Variants in STXBP4 observed in about 807,000 individuals in gnomAD.
STXBP4 encodes syntaxin binding protein 4, also known as syntaxin-binding protein 4.
STXBP4 carries 55 observed loss-of-function variants against 76.1 expected under a neutral mutation model. The ratio of observed to expected loss-of-function variants is 0.72; its 90% CI spans 0.58 to 0.91. The LOEUF (loss-of-function observed/expected upper bound fraction) is 0.91. Among genes scored for constraint, STXBP4 ranks in the 40% least tolerant of loss-of-function variants. The pLI is 0.00. For synonymous variants in STXBP4, 201 were observed against 220.2 expected, an observed-to-expected ratio of 0.91 and a Z score of 0.77; for missense variants, 618 against 636.9, an observed-to-expected ratio of 0.97 and a Z score of 0.32.
intron 11 of STXBP4, among the ~76,000 whole-genome samples, chr17:55,045,530 C>T (rs1440742540): frequency 6.6e-6 from 1 of 151,966 alleles, no homozygotes; most frequent in East Asian, 1.9e-4. Context: ...TTAATATCAA[C>T]AGTAATTATT....
chr17:54,991,066 T>G (rs2077709593), intron 4 of STXBP4, 109 bp downstream of exon 4: 5 of 1,213,960 alleles, frequency 4.1e-6, no homozygotes, highest in Non-Finnish European at 5.4e-6. Context: ...TGACCATACC[T>G]CAGTGAAAAA....
the STXBP4 span, among the ~76,000 whole-genome samples, chr17:55,207,147 C>G: frequency 6.6e-6 from 1 of 152,164 alleles, no homozygotes; most frequent in Non-Finnish European, 1.5e-5. Flanking sequence ...TCCAGTGGAT[C>G]TCTACGCATG....
intron 8 of STXBP4, among the ~76,000 whole-genome samples, chr17:55,017,106 T>G (rs1448668530): frequency 6.6e-6 from 1 of 152,164 alleles, no homozygotes. Flanking sequence ...GACCTTCAAT[T>G]ATCAATTATA....
At chr17:55,001,519 CACA>C (rs1427430497) in intron 7 of STXBP4, among the ~76,000 whole-genome samples, 1 of 151,992 alleles carries the variant, frequency 6.6e-6, no homozygotes, top group Non-Finnish European at 1.5e-5. Flanking sequence ...AAAAGTTAAA[CACA>C]ACAATGATAA....
intron 16 of STXBP4, among the ~76,000 whole-genome samples, chr17:55,126,396 T>C (rs1301755718): frequency 6.6e-6 from 1 of 152,136 alleles, no homozygotes; most frequent in Non-Finnish European, 1.5e-5. Flanking sequence ...GAAATAATTG[T>C]GTAAAACTAA....
chr17:54,982,711 G>A (rs1231013205), intron 1 of STXBP4, among the ~76,000 whole-genome samples: 1 of 151,862 alleles, frequency 6.6e-6, no homozygotes, highest in African/African-American at 2.4e-5. Context: ...AGAGTAGGAA[G>A]CAGGCAAAGG....
At chr17:55,209,737 A>AT in the STXBP4 span, among the ~76,000 whole-genome samples, 1 of 152,182 alleles carries the variant, frequency 6.6e-6, no homozygotes, top group Non-Finnish European at 1.5e-5. Context: ...AGGGGACTTC[A>AT]TGTCATTGTT....
chr17:55,145,040 C>T (rs2080137012), intron 17 of STXBP4, among the ~76,000 whole-genome samples: 1 of 152,224 alleles, frequency 6.6e-6, no homozygotes, highest in Admixed American at 6.5e-5. Context: ...ACTCCCTCCC[C>T]TTGCTTTCAC....
intron 8 of STXBP4, among the ~76,000 whole-genome samples, chr17:55,027,135 A>G (rs192809969): frequency 6.6e-6 from 1 of 152,250 alleles, no homozygotes; most frequent in Non-Finnish European, 1.5e-5. Context: ...AGAGGCACCT[A>G]TGCTTCTACC....
intron 17 of STXBP4, among the ~76,000 whole-genome samples, chr17:55,157,977 A>G (rs907974161): frequency 1.3e-5 from 2 of 152,206 alleles, no homozygotes; most frequent in African/African-American, 2.4e-5. Flanking sequence ...GCATATTAAA[A>G]TCTCTGGGAA....
rs144184320 is a variant in STXBP4, at chr17:55,133,395, A to G, written c.1490-7915A>G. ...GCACCTTCAGTTTAAAAGTGATACAATGATAGAGGAAGAGAGGGCATGCAC... is the reference window on the plus strand; with the variant it reads ...GCACCTTCAGTTTAAAAGTGATACAGTGATAGAGGAAGAGAGGGCATGCAC... On this transcript the variant is annotated intron_variant, in intron 16 of 17. Coordinates refer to ENST00000376352, the MANE Select transcript of STXBP4 (RefSeq NM_178509.6). Among the ~76,000 whole-genome samples the G allele has an allele frequency of 8.5e-4, 129 of 152,224 alleles. No homozygotes were observed. The East Asian group carries it at 0.011, about 13-fold the overall frequency.
At chr17:55,141,914 CTT>C (rs1567780073) in intron 17 of STXBP4, among the ~76,000 whole-genome samples, 2 of 152,140 alleles carry the variant, frequency 1.3e-5, no homozygotes, top group African/African-American at 4.8e-5. Flanking sequence ...AGATAAATAA[CTT>C]GAGATAAATA....
intron 12 of STXBP4, among the ~76,000 whole-genome samples, chr17:55,072,527 A>G (rs1370061364): frequency 1.3e-5 from 2 of 152,162 alleles, no homozygotes; most frequent in African/African-American, 2.4e-5. Context: ...ACCCTACAAG[A>G]GCCTTTTTAG....
At chr17:55,078,335 A>G in intron 14 of STXBP4, 141 bp downstream of exon 14, 1 of 608,494 alleles carries the variant, frequency 1.6e-6, no homozygotes, top group Admixed American at 3.3e-5. Context: ...CAGATTTAGA[A>G]CTGCATACAT....
At chr17:55,113,369 C>A (rs1011156741) in intron 16 of STXBP4, among the ~76,000 whole-genome samples, 1 of 151,822 alleles carries the variant, frequency 6.6e-6, no homozygotes, top group East Asian at 1.9e-4. Flanking sequence ...TAAATACATA[C>A]AATAAAAATG....
chr17:55,090,501 G>C (rs2079396952), intron 16 of STXBP4, among the ~76,000 whole-genome samples: 1 of 151,886 alleles, frequency 6.6e-6, no homozygotes, highest in African/African-American at 2.4e-5. Flanking sequence ...CAACAATTTG[G>C]TCAAATTTTA....
At chr17:55,075,763 T>C (rs1567750190) in intron 13 of STXBP4, among the ~76,000 whole-genome samples, 1 of 152,174 alleles carries the variant, frequency 6.6e-6, no homozygotes, top group East Asian at 1.9e-4. Flanking sequence ...TGGTTACTAA[T>C]GGCTTTGAGA....
chr17:55,007,666 A>G, intron 8 of STXBP4, 69 bp downstream of exon 8: 1 of 1,217,478 alleles, frequency 8.2e-7, no homozygotes, highest in Non-Finnish European at 1.2e-6. Context: ...TCCTTCTTTG[A>G]GAGGATAAAG....
chr17:54,984,600 C>T (rs1277086541), intron 1 of STXBP4, among the ~76,000 whole-genome samples: 1 of 152,018 alleles, frequency 6.6e-6, no homozygotes, highest in East Asian at 1.9e-4. Flanking sequence ...GCCTCGGCCA[C>T]CCAAAGTACT....
Sources: gnomAD v4.1 joint callset for allele counts (sites outside exome capture counted in the v4.1 genomes callset) on GRCh38, gnomAD v4.1.1 for gene constraint, MANE v1.5 for transcripts, NCBI Gene and HGNC (gene_info 2026-07-23, HGNC 2026-07-21) for gene names.